The following KCND2 variants were observed in gnomAD, a reference collection of about 807,000 sequenced individuals.
KCND2 encodes potassium voltage-gated channel subfamily D member 2.
KCND2 carries 16 observed loss-of-function variants against 54.4 expected under a neutral mutation model. The observed-to-expected ratio is 0.29, with a 90% confidence interval of 0.20 to 0.45. The LOEUF is 0.45. Ranked by LOEUF, KCND2 falls within the 20% of genes least tolerant of loss-of-function variation. The probability of loss-of-function intolerance (pLI) is 1.00; values close to 1 mark genes in which losing one functional copy is unlikely to be tolerated. For synonymous variants in KCND2, 317 were observed against 310.7 expected, an observed-to-expected ratio of 1.02 and a Z score of -0.21; for missense variants, 486 against 824.2, an observed-to-expected ratio of 0.59 and a Z score of 5.02.
At chr7:120,370,864 T>G (rs1022373369) in intron 1 of KCND2, among the ~76,000 whole-genome samples, 1 of 152,070 alleles carries the variant, frequency 6.6e-6, no homozygotes, top group Non-Finnish European at 1.5e-5. Context: ...GAATCAATTT[T>G]CTTTTGCTTC....
intron 1 of KCND2, among the ~76,000 whole-genome samples, chr7:120,503,576 TTCC>T (rs1207325296): frequency 1.8e-4 from 28 of 152,118 alleles, no homozygotes; most frequent in Admixed American, 1.8e-3. Context: ...CCACTTCTCT[TTCC>T]TTGACCCTTC....
intron 1 of KCND2, among the ~76,000 whole-genome samples, chr7:120,573,647 A>G (rs1381529819): frequency 6.6e-6 from 1 of 152,220 alleles, no homozygotes; most frequent in African/African-American, 2.4e-5. Context: ...TTGGAAGGAT[A>G]TTTCATTCAT....
intron 1 of KCND2, among the ~76,000 whole-genome samples, chr7:120,604,450 C>T (rs1385433697): frequency 1.3e-5 from 2 of 150,328 alleles, no homozygotes; most frequent in African/African-American, 4.9e-5. Context: ...TTGTAGTGAG[C>T]CGAGGTCGTA....
At chr7:120,542,014 A>G (rs186096158) in intron 1 of KCND2, among the ~76,000 whole-genome samples, 1 of 152,246 alleles carries the variant, frequency 6.6e-6, no homozygotes, top group Non-Finnish European at 1.5e-5. Context: ...TCTACGACCT[A>G]TTTTATTAAA....
intron 1 of KCND2, among the ~76,000 whole-genome samples, chr7:120,558,775 G>T (rs992195015): frequency 6.6e-6 from 1 of 152,036 alleles, no homozygotes; most frequent in Non-Finnish European, 1.5e-5. Context: ...TTTAACAGTT[G>T]CCTGTTTCCT....
At chr7:120,401,172 G>A (rs1801247320) in intron 1 of KCND2, among the ~76,000 whole-genome samples, 1 of 152,098 alleles carries the variant, frequency 6.6e-6, no homozygotes, top group African/African-American at 2.4e-5. Context: ...TGAGAGAAAA[G>A]CAGGGAGCAA....
At chr7:120,649,620 T>A (rs1005820726) in intron 1 of KCND2, among the ~76,000 whole-genome samples, 1 of 152,214 alleles carries the variant, frequency 6.6e-6, no homozygotes, top group African/African-American at 2.4e-5. Context: ...GTTTGTTTTT[T>A]TCTTGTAAAT....
In KCND2 at chr7:120,414,973, A is replaced by G. The variant is rs1218330534; in HGVS notation, c.1115+139226A>G. Among the ~76,000 whole-genome samples, 5 of 152,218 alleles carry G rather than the reference A, an allele frequency of 3.3e-5. No individual in the cohort carries two copies. The East Asian group carries it at 7.7e-4, about 24-fold the overall frequency. On this transcript the variant is annotated intron_variant, in intron 1 of 5. Coordinates refer to ENST00000331113, the MANE Select transcript of KCND2 (RefSeq NM_012281.3). ...TCAATATCCCAATTTCCCTTGCCCC[A>G]TTAGTTCTGGCCTTCCAATCAAGAA...
intron 1 of KCND2, among the ~76,000 whole-genome samples, chr7:120,437,343 C>T (rs112333348): frequency 0.012 from 1,823 of 151,600 alleles, 39 homozygotes; most frequent in African/African-American, 0.041. Context: ...GCTGGGATTA[C>T]AGGCATGTGC....
At chr7:120,644,103 T>A (rs1793409194) in intron 1 of KCND2, among the ~76,000 whole-genome samples, 1 of 152,078 alleles carries the variant, frequency 6.6e-6, no homozygotes, top group African/African-American at 2.4e-5. Context: ...AGAAGATGAA[T>A]GAACTCTCTG....
At chr7:120,439,192 G>C (rs1801914670) in intron 1 of KCND2, among the ~76,000 whole-genome samples, 1 of 151,956 alleles carries the variant, frequency 6.6e-6, no homozygotes, top group South Asian at 2.1e-4. Flanking sequence ...TTCCCTGTAA[G>C]AAATTAATTA....
chr7:120,572,511 G>A (rs1056352574), intron 1 of KCND2, among the ~76,000 whole-genome samples: 2 of 151,594 alleles, frequency 1.3e-5, no homozygotes, highest in East Asian at 3.9e-4. Context: ...GTTTGAGAAA[G>A]TGTGAACATA....
chr7:120,531,558 AACTGTTTCTATTTATATT>A (rs1180349877), intron 1 of KCND2, among the ~76,000 whole-genome samples: 1 of 152,090 alleles, frequency 6.6e-6, no homozygotes, highest in African/African-American at 2.4e-5. Flanking sequence ...TTTATAGAGA[AACTGTTTCTATTTATATT>A]ACTGTTTCTA....
At chr7:120,658,107 A>G (rs1791824545) in intron 1 of KCND2, among the ~76,000 whole-genome samples, 1 of 152,204 alleles carries the variant, frequency 6.6e-6, no homozygotes. Flanking sequence ...GAATTTGATT[A>G]ATACATCTAA....
At chr7:120,674,249 A>C (rs1490173981) in intron 1 of KCND2, among the ~76,000 whole-genome samples, 1 of 152,072 alleles carries the variant, frequency 6.6e-6, no homozygotes, top group Non-Finnish European at 1.5e-5. Context: ...AACACAGATG[A>C]CATTTGTGGA....
At chr7:120,360,376 C>A (rs866652274) in intron 1 of KCND2, among the ~76,000 whole-genome samples, 2 of 151,962 alleles carry the variant, frequency 1.3e-5, no homozygotes, top group Admixed American at 1.3e-4. Flanking sequence ...TTTATCAAAG[C>A]CTATCTTTGA....
At chr7:120,440,529 G>C (rs1456701151) in intron 1 of KCND2, among the ~76,000 whole-genome samples, 2 of 151,902 alleles carry the variant, frequency 1.3e-5, no homozygotes, top group African/African-American at 4.8e-5. Context: ...TTTTTAGTCT[G>C]TGCTTTTGAG....
chr7:120,496,436 T>A (rs1286909768), intron 1 of KCND2, among the ~76,000 whole-genome samples: 2 of 151,670 alleles, frequency 1.3e-5, no homozygotes, highest in Non-Finnish European at 2.9e-5. Flanking sequence ...ATTTTTTAAT[T>A]TTTTTTGAGA....
At chr7:120,467,327 C>A (rs1802385994) in intron 1 of KCND2, among the ~76,000 whole-genome samples, 1 of 152,100 alleles carries the variant, frequency 6.6e-6, no homozygotes, top group Admixed American at 6.6e-5. Flanking sequence ...CCATCAGTTT[C>A]TTGATTCTCA....
Sources: allele counts gnomAD v4.1 joint callset (sites outside exome capture counted in the v4.1 genomes callset), GRCh38; gene constraint gnomAD v4.1.1; transcripts MANE v1.5; gene names NCBI Gene and HGNC (gene_info 2026-07-23, HGNC 2026-07-21).